The following GNPTAB variants were observed in gnomAD, a reference collection of about 807,000 sequenced individuals.
The protein encoded by GNPTAB is N-acetylglucosamine-1-phosphate transferase subunits alpha and beta.
In GNPTAB, 92 loss-of-function variants were observed where a neutral mutation model predicts 136.6. That is an observed-to-expected ratio of 0.67 (90% confidence interval 0.57 to 0.80). The LOEUF (loss-of-function observed/expected upper bound fraction) is 0.80, where lower values mean the gene tolerates loss of function less well. GNPTAB is among the 30% of genes least tolerant of loss of function. GNPTAB has a pLI of 0.00. For missense variants in GNPTAB, 1,343 were observed against 1,501.8 expected, an observed-to-expected ratio of 0.89 and a Z score of 1.75; for synonymous variants, 512 against 535.1, an observed-to-expected ratio of 0.96 and a Z score of 0.60.
intron 1 of GNPTAB, among the ~76,000 whole-genome samples, chr12:101,829,480 G>A (rs565624696): frequency 6.6e-6 from 1 of 152,222 alleles, no homozygotes; most frequent in Admixed American, 6.5e-5. Flanking sequence ...GCAAGACTCT[G>A]TCTCAAAAAA....
intron 3 of GNPTAB, among the ~76,000 whole-genome samples, 197 bp from the exon 4 acceptor site, chr12:101,788,786 T>A (rs1868816626): frequency 6.6e-6 from 1 of 152,204 alleles, no homozygotes; most frequent in Non-Finnish European, 1.5e-5. Flanking sequence ...CAATATAAGG[T>A]GGCCAAAGAC....
rs774118450 is a variant in GNPTAB at position 101,768,032 on chromosome 12, C to G, written c.1408+5G>C. 3.1e-6 allele frequency: 5 copies of G among 1,614,062 alleles called. No homozygotes were observed. The South Asian group carries it at 5.5e-5, about 18-fold the overall frequency. Reference sequence around the variant, plus strand: ...TGAACGAATTACAGTTTAACACATCCTTACCAGAGCAATCCCCACCATCCC... The same window carrying G: ...TGAACGAATTACAGTTTAACACATCGTTACCAGAGCAATCCCCACCATCCC... On this transcript the variant is annotated splice_donor_5th_base_variant and intron_variant, in intron 11 of 20. Transcript: ENST00000299314.
rs1788474843 is a variant in GNPTAB, at chr12:101,768,049, C to T, written c.1396G>A (p.Gly466Arg). 1 of 1,614,024 alleles carries T rather than the reference C, an allele frequency of 6.2e-7. No individual in the cohort carries two copies. Among genetic ancestry groups the T allele is most frequent in the South Asian group, 1.1e-5 (1 of 91,090 alleles). The part of the protein sequence containing the change: ...CNNSACDWDG[G>R]DCSGNSGGSR... The stretch of plus-strand genomic sequence containing the variant: ...AACACATCCTTACCAGAGCAATCCC[C>T]ACCATCCCAATCGCAGGCTGAATTA... The change falls in exon 11 of 21, where the codon GGG becomes AGG. Residue 466 changes from glycine (G) to arginine (R), a missense_variant. Coordinates refer to ENST00000299314, the MANE Select transcript of GNPTAB (RefSeq NM_024312.5).
chr12:101,829,535 T>C (rs1388883679), intron 1 of GNPTAB, among the ~76,000 whole-genome samples: 1 of 152,156 alleles, frequency 6.6e-6, no homozygotes, highest in Non-Finnish European at 1.5e-5. Context: ...CTTTAAGTCA[T>C]CTTCACACTG....
At position 101,764,558 on chromosome 12, in the gene GNPTAB, T is replaced by A. The variant is rs200559243; in HGVS notation, c.2359A>T (p.Arg787Trp). The change falls in exon 13 of 21, where the codon AGG becomes TGG. Residue 787 changes from arginine (R) to tryptophan (W), a missense_variant. Arg to Trp is a moderately radical substitution (Grantham distance 101, BLOSUM62 -3). Transcript: ENST00000299314. Reference sequence around the variant, plus strand: ...ACACTCACTGCAGGAAAAGTCAACCTCTGCAATCTTTCAGACACTCCTAAG... The same window carrying A: ...ACACTCACTGCAGGAAAAGTCAACCACTGCAATCTTTCAGACACTCCTAAG... ...NSLGVSERLQRLTFPAVSVKV... is the reference protein window; with the variant it reads ...NSLGVSERLQWLTFPAVSVKV... 19 of 1,613,412 alleles carry A rather than the reference T, an allele frequency of 1.2e-5. No homozygotes were observed. The Admixed American group carries it at 3.2e-4, about 27-fold the overall frequency.
intron 7 of GNPTAB, 133 bp from the exon 8 acceptor site, chr12:101,771,290 C>A: frequency 1.2e-6 from 1 of 813,276 alleles, no homozygotes; most frequent in Non-Finnish European, 2.0e-6. Context: ...TGTCGCCAGG[C>A]TGGAGCGCAG....
chr12:101,786,423 G>A (rs1868653120), intron 4 of GNPTAB, among the ~76,000 whole-genome samples: 1 of 152,106 alleles, frequency 6.6e-6, no homozygotes, highest in Non-Finnish European at 1.5e-5. Context: ...TCCAAAGATA[G>A]AGCTTTCAAA....
intron 19 of GNPTAB, among the ~76,000 whole-genome samples, chr12:101,752,333 G>A (rs1952832640): frequency 6.6e-6 from 1 of 152,164 alleles, no homozygotes; most frequent in Non-Finnish European, 1.5e-5. Flanking sequence ...GCTGAGGCAT[G>A]AGAATCGCTT....
intron 1 of GNPTAB, among the ~76,000 whole-genome samples, chr12:101,811,949 C>A (rs1040876783): frequency 6.7e-6 from 1 of 150,212 alleles, no homozygotes; most frequent in Non-Finnish European, 1.5e-5. Context: ...GTGCTACACA[C>A]TTTTAAACAA....
intron 1 of GNPTAB, chr12:101,810,526 C>T (rs1359404742): frequency 1.3e-5 from 2 of 151,086 alleles, no homozygotes; most frequent in Non-Finnish European, 2.9e-5. Flanking sequence ...CAACTGCTCA[C>T]CATGGGTGAC....
At chr12:101,817,789 G>C (rs1870581165) in intron 1 of GNPTAB, among the ~76,000 whole-genome samples, 1 of 152,114 alleles carries the variant, frequency 6.6e-6, no homozygotes, top group African/African-American at 2.4e-5. Flanking sequence ...GCGAGATCCT[G>C]TCTCAAAAAA....
Position 101,766,136 on chromosome 12 carries a change from A to G in GNPTAB, c.1567T>C (p.Cys523Arg), listed in dbSNP as rs2137119014. The change falls in exon 12 of 21, where the codon TGC becomes CGC. Residue 523 changes from cysteine (C) to arginine (R), a missense_variant. Physicochemically the swap from Cys to Arg is radical, Grantham distance 180. Transcript: ENST00000299314. ...WLADKFCDQA[C>R]NVLSCGFDAG... ...TCAAACCCACAGGACAAGACATTGC[A>G]TGCTTGGTCACAGAACTTATCAGCG... is the stretch of plus-strand genomic sequence containing the variant. 1.2e-6 allele frequency: 2 copies of G among 1,614,156 alleles called. No homozygotes were observed. The highest frequency in any genetic ancestry group is 1.7e-6 in the Non-Finnish European group (2 of 1,180,026).
chr12:101,779,264 G>A (rs1169873217), intron 7 of GNPTAB: 4 of 152,228 alleles, frequency 2.6e-5, no homozygotes, highest in East Asian at 3.9e-4. Context: ...TATAAAATCA[G>A]GAAAACTAGA....
chr12:101,805,410 C>G (rs1408123281), intron 1 of GNPTAB, among the ~76,000 whole-genome samples: 1 of 152,172 alleles, frequency 6.6e-6, no homozygotes, highest in African/African-American at 2.4e-5. Context: ...TGTTTTGAGA[C>G]AGGGTCTTGC....
chr12:101,822,152 G>T (rs561437964), intron 1 of GNPTAB, among the ~76,000 whole-genome samples: 1 of 152,198 alleles, frequency 6.6e-6, no homozygotes, highest in South Asian at 2.1e-4. Context: ...GGTGGCTCAC[G>T]CCTGTAATCC....
intron 9 of GNPTAB, 80 bp downstream of exon 9, chr12:101,770,326 G>A: frequency 1.5e-6 from 2 of 1,353,332 alleles, no homozygotes; most frequent in South Asian, 2.3e-5. Flanking sequence ...TAAAGGGAAT[G>A]AAATTATGGA....
intron 1 of GNPTAB, among the ~76,000 whole-genome samples, chr12:101,813,369 A>C (rs1870336261): frequency 6.6e-6 from 1 of 152,232 alleles, no homozygotes; most frequent in Non-Finnish European, 1.5e-5. Context: ...AAATAGTTAC[A>C]TGATACACAC....
intron 2 of GNPTAB, among the ~76,000 whole-genome samples, chr12:101,791,491 A>C (rs1259821816): frequency 6.6e-6 from 1 of 152,094 alleles, no homozygotes; most frequent in Admixed American, 6.6e-5. Context: ...CCACGCAAAA[A>C]AAAAAAAAAT....
chr12:101,776,352 T>C (rs994673635), intron 7 of GNPTAB, among the ~76,000 whole-genome samples: 2 of 152,256 alleles, frequency 1.3e-5, no homozygotes, highest in African/African-American at 4.8e-5. Flanking sequence ...CTGAATTCTG[T>C]GTCCGTCATA....
Sources: gnomAD v4.1 joint callset for allele counts (sites outside exome capture counted in the v4.1 genomes callset) on GRCh38, gnomAD v4.1.1 for gene constraint, MANE v1.5 for transcripts, NCBI Gene and HGNC (gene_info 2026-07-23, HGNC 2026-07-21) for gene names.